The following CNIH3 variants were observed in gnomAD, a reference collection of about 807,000 sequenced individuals.
CNIH3 encodes the protein cornichon family AMPA receptor auxiliary protein 3.
In CNIH3, 14 loss-of-function variants were observed where a neutral mutation model predicts 24.1. The observed-to-expected ratio is 0.58, with a 90% CI of 0.38 to 0.91. The LOEUF is 0.91. CNIH3 is among the 40% of genes least tolerant of loss of function. The pLI, the probability that CNIH3 is intolerant of heterozygous loss-of-function variation, is 0.00. For missense variants in CNIH3, 178 were observed against 196.8 expected (o/e 0.90, Z 0.57); for synonymous variants, 68 against 73.8 (o/e 0.92, Z 0.40).
At chr1:224,481,872 A>C (rs1676827456) in intron 1 of CNIH3, among the ~76,000 whole-genome samples, 1 of 152,188 alleles carries the variant, frequency 6.6e-6, no homozygotes, top group South Asian at 2.1e-4. Flanking sequence ...GATGGGTCCA[A>C]AGATGCTGTC....
intron 4 of CNIH3, among the ~76,000 whole-genome samples, chr1:224,577,221 C>T (rs137949357): frequency 1.4e-3 from 210 of 152,130 alleles, no homozygotes; most frequent in African/African-American, 4.6e-3. Flanking sequence ...CCTAATTAAA[C>T]GAGAAAGCTA....
intron 1 of CNIH3, among the ~76,000 whole-genome samples, chr1:224,643,718 C>CAGCAAATATTCAATCAATA: frequency 6.6e-6 from 1 of 152,240 alleles, no homozygotes; most frequent in South Asian, 2.1e-4. Context: ...GGAACAGGGA[C>CAGCAAATATTCAATCAATA]TCAGCAGAAC....
chr1:224,650,994 A>G (rs1684831937), intron 1 of CNIH3, among the ~76,000 whole-genome samples: 1 of 152,170 alleles, frequency 6.6e-6, no homozygotes, highest in Admixed American at 6.5e-5. Context: ...GTGGTTGTTC[A>G]CATGGGGAGG....
At chr1:224,449,535 AC>A (rs1675304662) in intron 1 of CNIH3, among the ~76,000 whole-genome samples, 1 of 151,086 alleles carries the variant, frequency 6.6e-6, no homozygotes, top group South Asian at 2.1e-4. Flanking sequence ...TTGCCGTGTC[AC>A]CCAGGCTGGA....
chr1:224,562,561 C>G (rs1235935017), intron 3 of CNIH3, among the ~76,000 whole-genome samples: 1 of 152,122 alleles, frequency 6.6e-6, no homozygotes, highest in Non-Finnish European at 1.5e-5. Context: ...CCCCAAATCT[C>G]ATGTTGAAAT....
intron 3 of CNIH3, among the ~76,000 whole-genome samples, chr1:224,607,144 C>T (rs542068411): frequency 2.6e-5 from 4 of 152,324 alleles, no homozygotes; most frequent in Admixed American, 2.6e-4. Flanking sequence ...CATTGGTTGG[C>T]AGTGAATTAA....
chr1:224,510,347 G>T (rs193166494), intron 1 of CNIH3, among the ~76,000 whole-genome samples: 1 of 152,092 alleles, frequency 6.6e-6, no homozygotes, highest in East Asian at 1.9e-4. Context: ...CGTGGTCAGC[G>T]TTGTGTTTTA....
At chr1:224,485,813 A>G (rs1677006047) in intron 1 of CNIH3, among the ~76,000 whole-genome samples, 1 of 152,284 alleles carries the variant, frequency 6.6e-6, no homozygotes, top group South Asian at 2.1e-4. Flanking sequence ...TAAGCGTGCA[A>G]AGAAAAATAG....
intron 4 of CNIH3, among the ~76,000 whole-genome samples, chr1:224,732,164 A>C (rs1238456684): frequency 6.6e-6 from 1 of 152,150 alleles, no homozygotes; most frequent in South Asian, 2.1e-4. Context: ...GAGAGGTGAG[A>C]GAGCCTTGAC....
chr1:224,696,748 T>A (rs1271756971), intron 3 of CNIH3, among the ~76,000 whole-genome samples: 1 of 150,434 alleles, frequency 6.6e-6, no homozygotes, highest in African/African-American at 2.4e-5. Flanking sequence ...CATAGTTGGT[T>A]GTTATGTGCT....
chr1:224,598,848 T>C (rs190814233), intron 3 of CNIH3, among the ~76,000 whole-genome samples: 11 of 152,348 alleles, frequency 7.2e-5, no homozygotes, highest in Non-Finnish European at 1.3e-4. Context: ...ACATAACTTA[T>C]ATGCCCTGGG....
chr1:224,513,340 TTGGGGG>T (rs1409847640), upstream of CNIH3, among the ~76,000 whole-genome samples: 4 of 5,614 alleles, frequency 7.1e-4, no homozygotes, highest in African/African-American at 1.8e-3. Flanking sequence ...TTTTGTAGAG[TTGGGGG>T]TGGGGGTGGG....
At chr1:224,503,260 G>A (rs1387522940) in intron 1 of CNIH3, among the ~76,000 whole-genome samples, 4 of 152,182 alleles carry the variant, frequency 2.6e-5, no homozygotes, top group African/African-American at 9.7e-5. Context: ...CCTGAGGCAC[G>A]GGTGCTGCAC....
chr1:224,655,386 A>C (rs966729748), intron 1 of CNIH3, among the ~76,000 whole-genome samples: 1 of 152,184 alleles, frequency 6.6e-6, no homozygotes, highest in Non-Finnish European at 1.5e-5. Flanking sequence ...GGCCGTGGGC[A>C]GGGTGGAGAA....
chr1:224,518,785 G>A (rs1027106086), intron 1 of CNIH3, among the ~76,000 whole-genome samples: 2 of 152,212 alleles, frequency 1.3e-5, no homozygotes, highest in Admixed American at 6.5e-5. Flanking sequence ...AACCCGTACA[G>A]CTCCAAAGGA....
intron 2 of CNIH3, among the ~76,000 whole-genome samples, chr1:224,532,777 A>G (rs1309400277): frequency 6.6e-6 from 1 of 152,180 alleles, no homozygotes; most frequent in Admixed American, 6.5e-5. Flanking sequence ...GTATCTACTA[A>G]TGCTAAATGC....
chr1:224,499,425 A>T (rs753999447), intron 1 of CNIH3, among the ~76,000 whole-genome samples: 4 of 152,180 alleles, frequency 2.6e-5, no homozygotes, highest in Non-Finnish European at 5.9e-5. Flanking sequence ...GTCCTTTACC[A>T]GCCGAGACTC....
chr1:224,527,798 T>C (rs1245456541), intron 2 of CNIH3, among the ~76,000 whole-genome samples: 1 of 152,184 alleles, frequency 6.6e-6, no homozygotes, highest in Non-Finnish European at 1.5e-5. Context: ...AACAATAGTA[T>C]GTACCCAATA....
chr1:224,472,473 A>C (rs1330819670), intron 1 of CNIH3, among the ~76,000 whole-genome samples: 1 of 152,226 alleles, frequency 6.6e-6, no homozygotes, highest in Non-Finnish European at 1.5e-5. Flanking sequence ...GGAGAGAAAT[A>C]ATGACATTCG....
Sources: gnomAD v4.1 joint callset for allele counts (sites outside exome capture counted in the v4.1 genomes callset) on GRCh38, gnomAD v4.1.1 for gene constraint, MANE v1.5 for transcripts, NCBI Gene and HGNC (gene_info 2026-07-23, HGNC 2026-07-21) for gene names.